Variants in KIF26B observed in about 807,000 individuals in gnomAD.
KIF26B encodes the protein kinesin-like protein KIF26B.
In KIF26B, 63 loss-of-function variants were observed where a neutral mutation model predicts 151.2. The ratio of observed to expected loss-of-function variants is 0.42; its 90% confidence interval spans 0.34 to 0.51. KIF26B has a LOEUF of 0.51. Ranked by LOEUF, KIF26B falls within the 20% of genes least tolerant of loss-of-function variation. KIF26B has a pLI of 0.07. For missense variants in KIF26B, 2,813 were observed against 2,913.6 expected (o/e 0.97, Z 0.79); for synonymous variants, 1,357 against 1,262.1 (o/e 1.08, Z -1.59).
At chr1:245,198,969 C>CGCTGAGCTGA (rs1172148585) in intron 2 of KIF26B, among the ~76,000 whole-genome samples, 2 of 69,774 alleles carry the variant, frequency 2.9e-5, no homozygotes, top group Non-Finnish European at 6.2e-5. Context: ...AGAGTGTGGC[C>CGCTGAGCTGA]GCTGAGCTGA....
chr1:245,323,488 C>T lies in KIF26B; in HGVS notation c.466-43346C>T, dbSNP rs1158429512. Among the ~76,000 whole-genome samples the T allele has an allele frequency of 2.0e-5, 3 of 152,128 alleles. No homozygotes were observed. The East Asian group carries it at 5.8e-4, about 29-fold the overall frequency. On this transcript the variant is annotated intron_variant, in intron 2 of 14. Coordinates refer to ENST00000407071, the MANE Select transcript of KIF26B (RefSeq NM_018012.4). ...GAAAAACTGCAAGAAATTCATTGAA[C>T]AAAATTAAGAAGATCAGCCTTTTGA...
At chr1:245,377,198 A>T (rs576474137) in intron 3 of KIF26B, among the ~76,000 whole-genome samples, 2 of 152,236 alleles carry the variant, frequency 1.3e-5, no homozygotes, top group South Asian at 4.1e-4. Flanking sequence ...TACAGGCGTG[A>T]GCCACCGCCC....
At chr1:245,463,086 TC>T (rs1228028765) in intron 4 of KIF26B, among the ~76,000 whole-genome samples, 1 of 152,162 alleles carries the variant, frequency 6.6e-6, no homozygotes, top group Non-Finnish European at 1.5e-5. Context: ...CTCAACGGTG[TC>T]CTTCTCAGAA....
At chr1:245,463,460 T>C (rs1326066980) in intron 4 of KIF26B, among the ~76,000 whole-genome samples, 1 of 152,214 alleles carries the variant, frequency 6.6e-6, no homozygotes, top group Non-Finnish European at 1.5e-5. Context: ...TGACGGGTTT[T>C]CTTTTTTCCT....
Position 245,686,318 on chromosome 1 carries a change from G to A in KIF26B, c.3335G>A (p.Gly1112Asp). 6.2e-7 allele frequency: 1 copy of A among 1,613,156 alleles called. No individual in the cohort carries two copies. Among genetic ancestry groups the A allele is most frequent in the Admixed American group, 1.7e-5 (1 of 60,024 alleles). The change falls in exon 12 of 15, where the codon GGC (glycine) becomes GAC (aspartate). Residue 1112 changes from glycine (G) to aspartate (D), a missense_variant. Physicochemically the swap from Gly to Asp is moderately conservative, Grantham distance 94. Transcript: ENST00000407071. This position sits in a 1 kb window ranked among gnomAD's most constrained non-coding sequence, Gnocchi z 5.6. ...APLPPSSKDS[G>D]VASRESLLQP... ...CTGCCTCCCTCGAGCAAGGATTCCG[G>A]CGTGGCGTCTAGGGAGTCCTTGCTG...
intron 2 of KIF26B, among the ~76,000 whole-genome samples, chr1:245,253,009 A>ATTT (rs199535347): frequency 3.7e-5 from 5 of 135,260 alleles, no homozygotes; most frequent in East Asian, 2.1e-4. Flanking sequence ...TTTTTTCTTA[A>ATTT]TTTTTTTTTT....
intron 2 of KIF26B, among the ~76,000 whole-genome samples, chr1:245,251,808 A>G (rs1670449992): frequency 6.6e-6 from 1 of 152,064 alleles, no homozygotes. Flanking sequence ...AATAGCATAA[A>G]TTGTCCCCTG....
intron 4 of KIF26B, among the ~76,000 whole-genome samples, chr1:245,491,280 C>T (rs972202502): frequency 2.6e-5 from 4 of 152,272 alleles, no homozygotes; most frequent in South Asian, 2.1e-4. Flanking sequence ...TCAGTATTTT[C>T]GTATTTCTCT....
chr1:245,680,779 C>A (rs368717410), intron 10 of KIF26B, among the ~76,000 whole-genome samples: 3 of 152,200 alleles, frequency 2.0e-5, no homozygotes, highest in East Asian at 1.9e-4. Context: ...CAGTCATTCT[C>A]CGACACGGGC....
At chr1:245,195,287 G>C (rs1669171157) in intron 2 of KIF26B, among the ~76,000 whole-genome samples, 1 of 152,108 alleles carries the variant, frequency 6.6e-6, no homozygotes, top group Non-Finnish European at 1.5e-5. Context: ...TATTTTCTTA[G>C]TGCTTATTTG....
chr1:245,351,691 G>A (rs373113278), intron 2 of KIF26B, among the ~76,000 whole-genome samples: 123 of 152,302 alleles, frequency 8.1e-4, no homozygotes, highest in South Asian at 3.9e-3. Flanking sequence ...ACTAGAAAAG[G>A]CAAAGCTTGG....
chr1:245,679,159 A>G (rs1273299540), intron 10 of KIF26B, among the ~76,000 whole-genome samples: 1 of 152,138 alleles, frequency 6.6e-6, no homozygotes, highest in Non-Finnish European at 1.5e-5. Context: ...ACAACCACTC[A>G]ACTCTTATTG....
At position 245,686,522 on chromosome 1, in the gene KIF26B, T is replaced by A. The variant is rs1175016111; in HGVS notation, c.3539T>A (p.Leu1180Gln). The part of the protein sequence containing the change: ...STTMVTVQQP[L>Q]ELNGEDELVF... Reference sequence around the variant, plus strand: ...ACGATGGTGACGGTGCAGCAGCCACTGGAGCTGAACGGTGAGGACGAGCTG... The same window carrying A: ...ACGATGGTGACGGTGCAGCAGCCACAGGAGCTGAACGGTGAGGACGAGCTG... The change falls in exon 12 of 15, where the codon CTG (leucine) becomes CAG (glutamine). Residue 1180 changes from leucine to glutamine, a missense_variant. Physicochemically the swap from Leu to Gln is moderately radical, Grantham distance 113. Around this residue, in one of 3 missense-constraint regions of KIF26B, gnomAD observed 2,060 missense variants for 2,088.6 expected, o/e 0.99. Coordinates refer to ENST00000407071, the MANE Select transcript of KIF26B (RefSeq NM_018012.4). This position sits in a 1 kb window ranked among gnomAD's most constrained non-coding sequence, Gnocchi z 5.6. The A allele has an allele frequency of 6.2e-7, 1 of 1,612,936 alleles. No homozygotes were observed. The highest frequency in any genetic ancestry group is 8.5e-7 in the Non-Finnish European group (1 of 1,179,766).
Position 245,483,417 on chromosome 1 carries a change from G to A in KIF26B, c.1167-57350G>A, listed in dbSNP as rs1045412439. 4.6e-5 allele frequency among the ~76,000 whole-genome samples: 7 copies of A among 151,830 alleles called. 1 individual carries two copies. Among genetic ancestry groups the A allele is most frequent in the African/African-American group, 1.7e-4 (7 of 41,402 alleles). Reference sequence around the variant, plus strand: ...AGGTCTGCCTGACCCCAGAGCTCCAGCTCTGAACCTCTGTGCTTCCTGACC... The same window carrying A: ...AGGTCTGCCTGACCCCAGAGCTCCAACTCTGAACCTCTGTGCTTCCTGACC... On this transcript the variant is annotated intron_variant, in intron 4 of 14. Transcript: ENST00000407071.
intron 4 of KIF26B, among the ~76,000 whole-genome samples, chr1:245,443,783 C>T (rs1179488658): frequency 2.2e-5 from 2 of 92,880 alleles, no homozygotes; most frequent in Admixed American, 1.0e-4. Context: ...GTTCACCCTG[C>T]GGTCATCTCC....
At chr1:245,354,770 C>A (rs753507097) in intron 2 of KIF26B, among the ~76,000 whole-genome samples, 4 of 152,222 alleles carry the variant, frequency 2.6e-5, no homozygotes, top group Admixed American at 6.5e-5. Context: ...CCGGCATTAG[C>A]TTCTGGGCTT....
intron 2 of KIF26B, among the ~76,000 whole-genome samples, chr1:245,182,894 C>G (rs1251694933): frequency 6.6e-6 from 1 of 152,212 alleles, no homozygotes; most frequent in African/African-American, 2.4e-5. Flanking sequence ...CCTCGGCCTC[C>G]CAAAGTACTG....
At chr1:245,357,383 A>G (rs1374391496) in intron 2 of KIF26B, among the ~76,000 whole-genome samples, 1 of 152,148 alleles carries the variant, frequency 6.6e-6, no homozygotes, top group Non-Finnish European at 1.5e-5. Flanking sequence ...TAAGTAAGGA[A>G]ATGTTTGCTA....
At chr1:245,349,717 T>G (rs190891174) in intron 2 of KIF26B, among the ~76,000 whole-genome samples, 1 of 152,340 alleles carries the variant, frequency 6.6e-6, no homozygotes, top group East Asian at 1.9e-4. Flanking sequence ...TTATACTATT[T>G]GCAGAAAAAG....
Sources: allele counts gnomAD v4.1 joint callset (sites outside exome capture counted in the v4.1 genomes callset), GRCh38; gene constraint gnomAD v4.1.1; regional missense constraint gnomAD v4.1.1; non-coding constraint Gnocchi (gnomAD v3.1); transcripts MANE v1.5; gene names NCBI Gene and HGNC (gene_info 2026-07-23, HGNC 2026-07-21).